Variants in CDH18 observed in about 807,000 individuals in gnomAD.
CDH18 encodes cadherin-18.
In CDH18, 31 loss-of-function variants were observed where a neutral mutation model predicts 67.9. The ratio of observed to expected loss-of-function variants is 0.46; its 90% confidence interval spans 0.34 to 0.62. The LOEUF is 0.62. CDH18 is among the 20% of genes least tolerant of loss of function. CDH18 has a pLI of 0.01. For synonymous variants in CDH18, 362 were observed against 347.2 expected, an observed-to-expected ratio of 1.04 and a Z score of -0.48; for missense variants, 890 against 975.5, an observed-to-expected ratio of 0.91 and a Z score of 1.17.
intron 9 of CDH18, among the ~76,000 whole-genome samples, chr5:19,542,188 A>G (rs1750388555): frequency 6.6e-6 from 1 of 152,220 alleles, no homozygotes; most frequent in African/African-American, 2.4e-5. Flanking sequence ...TGACTGCTAC[A>G]TAACTAAGGG....
intron 1 of CDH18, among the ~76,000 whole-genome samples, chr5:20,456,388 A>G (rs539469863): frequency 2.0e-5 from 3 of 152,286 alleles, no homozygotes; most frequent in South Asian, 2.1e-4. Flanking sequence ...ATTTATTTAT[A>G]TAAAAACCAA....
intron 9 of CDH18, among the ~76,000 whole-genome samples, chr5:19,543,264 T>TA (rs915504857): frequency 1.2e-4 from 18 of 152,090 alleles, no homozygotes; most frequent in African/African-American, 9.7e-5. Flanking sequence ...CGGATATATA[T>TA]TTTTTTATGT....
At chr5:19,537,195 C>T (rs1029327763) in intron 9 of CDH18, among the ~76,000 whole-genome samples, 3 of 144,780 alleles carry the variant, frequency 2.1e-5, no homozygotes, top group African/African-American at 8.7e-5. Flanking sequence ...CAAAGTAATT[C>T]CCCCCCAGTG....
In CDH18 at chr5:20,471,131, G is replaced by A. The variant is rs116616244; in HGVS notation, c.-580+104331C>T. 8.4e-3 allele frequency among the ~76,000 whole-genome samples: 1,273 copies of A among 152,180 alleles called. 17 individuals carry two copies. The highest frequency in any genetic ancestry group is 0.029 in the African/African-American group (1,204 of 41,512). On this transcript the variant is annotated intron_variant, in intron 1 of 14. Transcript: ENST00000507958. ...CCTGTACTCTATTGAATCTATTTTT[G>A]TAAGGTTGCATGTGGGCTCCACTGC...
chr5:20,513,128 T>C (rs1268711442), intron 1 of CDH18, among the ~76,000 whole-genome samples: 4 of 152,172 alleles, frequency 2.6e-5, no homozygotes, highest in African/African-American at 9.6e-5. Flanking sequence ...AAAATACTTA[T>C]TAATATTAAC....
At chr5:19,694,402 C>T (rs1452415715) in intron 5 of CDH18, among the ~76,000 whole-genome samples, 1 of 152,066 alleles carries the variant, frequency 6.6e-6, no homozygotes, top group African/African-American at 2.4e-5. Context: ...CCTTCATATG[C>T]TCACATATTG....
At chr5:19,495,553 C>G (rs1219532732) in intron 11 of CDH18, among the ~76,000 whole-genome samples, 1 of 151,612 alleles carries the variant, frequency 6.6e-6, no homozygotes, top group Non-Finnish European at 1.5e-5. Flanking sequence ...CCAGCCTGAT[C>G]AACATGGAGA....
At chr5:20,362,215 A>C (rs147811662) in intron 1 of CDH18, among the ~76,000 whole-genome samples, 2 of 152,280 alleles carry the variant, frequency 1.3e-5, no homozygotes, top group Admixed American at 6.5e-5. Flanking sequence ...ATAACTCATC[A>C]CATTCACTAT....
At chr5:19,528,818 T>A (rs61231903) in intron 9 of CDH18, among the ~76,000 whole-genome samples, 14,128 of 151,956 alleles carry the variant, frequency 0.093, 880 homozygotes, top group African/African-American at 0.17. Flanking sequence ...TGGAACATAA[T>A]TTTAGCAAAT....
chr5:19,904,569 C>A (rs1484636831), intron 2 of CDH18, among the ~76,000 whole-genome samples: 1 of 152,100 alleles, frequency 6.6e-6, no homozygotes, highest in African/African-American at 2.4e-5. Flanking sequence ...TACGTAAGTT[C>A]TTGGGTAAAG....
intron 12 of CDH18, among the ~76,000 whole-genome samples, chr5:19,481,451 C>T (rs1350932610): frequency 6.6e-6 from 1 of 152,206 alleles, no homozygotes; most frequent in Non-Finnish European, 1.5e-5. Context: ...CTAACACGTA[C>T]TGTGTCGAAG....
At chr5:19,501,109 G>A (rs1743158369) in intron 11 of CDH18, among the ~76,000 whole-genome samples, 1 of 149,178 alleles carries the variant, frequency 6.7e-6, no homozygotes, top group African/African-American at 2.5e-5. Context: ...ATTCAGCCTG[G>A]GCAACAAGAG....
At chr5:20,074,135 C>G (rs1743726778) in intron 2 of CDH18, among the ~76,000 whole-genome samples, 1 of 151,992 alleles carries the variant, frequency 6.6e-6, no homozygotes, top group Non-Finnish European at 1.5e-5. Flanking sequence ...ATTAGGCTCT[C>G]TTTTTCAGTA....
intron 3 of CDH18, among the ~76,000 whole-genome samples, chr5:19,787,559 GT>G (rs1775939309): frequency 6.6e-6 from 1 of 151,946 alleles, no homozygotes; most frequent in South Asian, 2.1e-4. Context: ...CCATAGGAAG[GT>G]ACATGTGCAT....
chr5:19,950,825 T>C (rs1795719481), intron 2 of CDH18, among the ~76,000 whole-genome samples: 1 of 152,200 alleles, frequency 6.6e-6, no homozygotes, highest in Non-Finnish European at 1.5e-5. Flanking sequence ...GAAATATTAA[T>C]TTTAATATGA....
At chr5:19,679,177 C>T (rs1425910938) in intron 5 of CDH18, among the ~76,000 whole-genome samples, 15 of 151,876 alleles carry the variant, frequency 9.9e-5, no homozygotes, top group African/African-American at 3.6e-4. Context: ...TGATTCATCA[C>T]ATAAACAGAA....
At chr5:19,955,587 A>T (rs1796183446) in intron 2 of CDH18, among the ~76,000 whole-genome samples, 1 of 152,118 alleles carries the variant, frequency 6.6e-6, no homozygotes, top group Non-Finnish European at 1.5e-5. Context: ...TAACTATAAT[A>T]GAGTGCCCAG....
chr5:20,423,136 G>A (rs1403474264), intron 1 of CDH18, among the ~76,000 whole-genome samples: 2 of 151,284 alleles, frequency 1.3e-5, no homozygotes, highest in East Asian at 1.9e-4. Context: ...TGTGCACTGC[G>A]CGCTGGAACC....
chr5:19,690,994 C>G (rs1353820967), intron 5 of CDH18, among the ~76,000 whole-genome samples: 1 of 151,762 alleles, frequency 6.6e-6, no homozygotes, highest in African/African-American at 2.4e-5. Context: ...AGGTTAATAT[C>G]CCTAATGAAC....
Sources: allele counts gnomAD v4.1 joint callset (sites outside exome capture counted in the v4.1 genomes callset), GRCh38; gene constraint gnomAD v4.1.1; transcripts MANE v1.5; gene names NCBI Gene and HGNC (gene_info 2026-07-23, HGNC 2026-07-21).